Variants in ZPLD1 observed in about 807,000 individuals in gnomAD.
ZPLD1 encodes the protein zona pellucida-like domain-containing protein 1.
A neutral mutation model predicts 47.2 loss-of-function variants in ZPLD1; 34 were observed. That is an observed-to-expected ratio of 0.72 (90% CI 0.55 to 0.96). ZPLD1 has a LOEUF of 0.96. Among genes scored for constraint, ZPLD1 ranks in the 40% least tolerant of loss-of-function variants. The pLI, the probability that ZPLD1 is intolerant of heterozygous loss-of-function variation, is 0.00. For synonymous variants in ZPLD1, 176 were observed against 186.2 expected (o/e 0.95, Z 0.45); for missense variants, 512 against 505.8 (o/e 1.01, Z -0.12).
At chr3:102,441,115 C>T (rs573004312) in intron 3 of ZPLD1, among the ~76,000 whole-genome samples, 1 of 152,160 alleles carries the variant, frequency 6.6e-6, no homozygotes, top group African/African-American at 2.4e-5. Context: ...GTGATCAAGC[C>T]ATGACCCTGT....
intron 7 of ZPLD1, among the ~76,000 whole-genome samples, chr3:102,403,243 A>AG (rs1305593296): frequency 6.6e-6 from 1 of 151,426 alleles, no homozygotes; most frequent in East Asian, 1.9e-4. Flanking sequence ...AGAGAGAGAG[A>AG]AAAAAAAATT....
At chr3:102,457,007 G>A (rs1440696141) in intron 5 of ZPLD1, among the ~76,000 whole-genome samples, 2 of 152,174 alleles carry the variant, frequency 1.3e-5, no homozygotes, top group Admixed American at 6.5e-5. Flanking sequence ...CCAGGAGAGG[G>A]CTATGCCCAC....
At chr3:102,434,836 G>A (rs1707062780), upstream of ZPLD1, among the ~76,000 whole-genome samples, 1 of 152,146 alleles carries the variant, frequency 6.6e-6, no homozygotes, top group Non-Finnish European at 1.5e-5. Flanking sequence ...GAGCCACAGT[G>A]GGACAGCAAG....
intron 8 of ZPLD1, among the ~76,000 whole-genome samples, chr3:102,426,131 T>C (rs1428603562): frequency 2.3e-5 from 3 of 130,606 alleles, no homozygotes; most frequent in South Asian, 2.3e-4. Context: ...CACACACACA[T>C]GCACACACAC....
intron 7 of ZPLD1, among the ~76,000 whole-genome samples, chr3:102,417,481 G>T (rs958482847): frequency 3.3e-5 from 5 of 151,916 alleles, no homozygotes; most frequent in Non-Finnish European, 5.9e-5. Context: ...CCAAAGGCTG[G>T]TGGAGGTGGG....
chr3:102,400,647 A>G (rs942061163), intron 7 of ZPLD1, among the ~76,000 whole-genome samples: 2 of 152,016 alleles, frequency 1.3e-5, no homozygotes. Context: ...CTTGAAATAT[A>G]CTGTACTTTA....
chr3:102,456,135 A>T lies in ZPLD1; in HGVS notation c.328-58A>T, dbSNP rs989765449. 8.8e-6 allele frequency: 12 copies of T among 1,367,164 alleles called. No homozygotes were observed. The Admixed American group carries it at 2.9e-4, about 33-fold the overall frequency. 84.7% of individuals were successfully genotyped at this position (1,367,164 alleles called of 1,614,324 possible). ...GCTTAATGTTTTATTTTGCATATGA[A>T]GTGCCTAGATGTATATATAGCCATT... On this transcript the variant is annotated intron_variant, in intron 4 of 11. Transcript: ENST00000466937.
At chr3:102,449,184 C>T (rs1338906025) in intron 3 of ZPLD1, among the ~76,000 whole-genome samples, 1 of 152,192 alleles carries the variant, frequency 6.6e-6, no homozygotes, top group African/African-American at 2.4e-5. Flanking sequence ...AAAATTTCCA[C>T]TCCTCTATCT....
intron 3 of ZPLD1, among the ~76,000 whole-genome samples, chr3:102,449,496 C>T (rs531991839): frequency 6.6e-6 from 1 of 152,156 alleles, no homozygotes; most frequent in Admixed American, 6.5e-5. Flanking sequence ...AAGTGTATGC[C>T]GTTATGAGTA....
intron 7 of ZPLD1, among the ~76,000 whole-genome samples, chr3:102,397,828 A>G (rs1337017002): frequency 1.3e-5 from 2 of 152,148 alleles, no homozygotes; most frequent in East Asian, 3.9e-4. Flanking sequence ...CTTTGTTCTC[A>G]TAGTCTAGGC....
chr3:102,423,356 C>A (rs1706903176), intron 8 of ZPLD1, among the ~76,000 whole-genome samples: 1 of 152,022 alleles, frequency 6.6e-6, no homozygotes, highest in African/African-American at 2.4e-5. Context: ...ATTCCTCTAT[C>A]TCAGTGGTTC....
At chr3:102,438,407 C>T in intron 2 of ZPLD1, 73 bp from the exon 3 acceptor site, 1 of 1,056,016 alleles carries the variant, frequency 9.5e-7, no homozygotes, top group Non-Finnish European at 1.5e-6. Flanking sequence ...CTGAGATCAG[C>T]CTCAGTTTTT....
chr3:102,463,557 A>C (rs1707542220), intron 7 of ZPLD1, among the ~76,000 whole-genome samples: 1 of 152,118 alleles, frequency 6.6e-6, no homozygotes. Flanking sequence ...AAACACTTTG[A>C]GTTCAGGAGA....
Position 102,438,493 on chromosome 3 carries a change from A to T in ZPLD1, c.6A>T (p.Glu2Asp). The change falls in exon 3 of 12, where the codon GAA becomes GAT. Residue 2 changes from glutamate to aspartate, a missense_variant. Transcript: ENST00000466937. The part of the protein sequence containing the change: M[E>D]QIWLLLLLTI... The stretch of plus-strand genomic sequence containing the variant: ...TCTCTTTTCCAGGTTTTGCAATGGA[A>T]CAAATATGGTTGCTGCTGCTTCTAA... The T allele has an allele frequency of 6.2e-7, 1 of 1,613,778 alleles. No individual in the cohort carries two copies. Among genetic ancestry groups the T allele is most frequent in the South Asian group, 1.1e-5 (1 of 91,068 alleles).
chr3:102,433,172 T>C (rs924939595), upstream of ZPLD1, among the ~76,000 whole-genome samples: 1 of 152,200 alleles, frequency 6.6e-6, no homozygotes. Context: ...TTGATCAGTA[T>C]ACACAAGAAT....
At chr3:102,451,762 C>T (rs969254313) in intron 3 of ZPLD1, among the ~76,000 whole-genome samples, 5 of 152,156 alleles carry the variant, frequency 3.3e-5, no homozygotes, top group African/African-American at 7.2e-5. Flanking sequence ...TGCATCACTC[C>T]AATCCTCTGC....
chr3:102,466,681 A>G (rs1239300130), intron 8 of ZPLD1, among the ~76,000 whole-genome samples: 2 of 152,166 alleles, frequency 1.3e-5, no homozygotes, highest in Admixed American at 6.5e-5. Context: ...AGGAAGGGAC[A>G]TGTAATTAGA....
At chr3:102,389,188 A>C (rs184592765) in intron 6 of ZPLD1, among the ~76,000 whole-genome samples, 9 of 152,354 alleles carry the variant, frequency 5.9e-5, no homozygotes, top group Admixed American at 4.6e-4. Context: ...TGGACTAAGT[A>C]TGCCCTGGTG....
intron 3 of ZPLD1, among the ~76,000 whole-genome samples, chr3:102,452,152 T>C (rs910749933): frequency 3.4e-5 from 5 of 145,472 alleles, no homozygotes; most frequent in Admixed American, 3.4e-4. Flanking sequence ...TGTGTGTGTG[T>C]GTGTGCTCAC....
Sources: allele counts gnomAD v4.1 joint callset (sites outside exome capture counted in the v4.1 genomes callset), GRCh38; gene constraint gnomAD v4.1.1; transcripts MANE v1.5; gene names NCBI Gene and HGNC (gene_info 2026-07-23, HGNC 2026-07-21).